Variants in PTPRT observed in about 807,000 individuals in gnomAD.
PTPRT encodes protein tyrosine phosphatase receptor type T.
Under a neutral mutation model 176.8 loss-of-function variants are expected in PTPRT, and 56 were observed. The observed-to-expected ratio is 0.32, with a 90% CI of 0.26 to 0.40. PTPRT has a LOEUF of 0.40. PTPRT is among the 10% of genes least tolerant of loss of function. The pLI, the probability that PTPRT is intolerant of heterozygous loss-of-function variation, is 1.00. For synonymous variants in PTPRT, 783 were observed against 739.0 expected (o/e 1.06, Z -0.96); for missense variants, 1,540 against 1,908.2 (o/e 0.81, Z 3.60).
chr20:43,123,616 A>T (rs189047971), intron 1 of PTPRT, among the ~76,000 whole-genome samples: 6 of 152,356 alleles, frequency 3.9e-5, no homozygotes, highest in South Asian at 4.1e-4. Context: ...GACCCTTTCA[A>T]CTGTAAAGTG....
At chr20:42,945,025 T>A (rs1193961824) in intron 1 of PTPRT, among the ~76,000 whole-genome samples, 1 of 150,628 alleles carries the variant, frequency 6.6e-6, no homozygotes, top group Non-Finnish European at 1.5e-5. Flanking sequence ...CCAGACATTA[T>A]AAAATGTTGT....
At chr20:42,568,552 A>G (rs887583029) in intron 7 of PTPRT, among the ~76,000 whole-genome samples, 1 of 152,204 alleles carries the variant, frequency 6.6e-6, no homozygotes. Flanking sequence ...GAACTGTCAT[A>G]AAAATAAATT....
intron 4 of PTPRT, among the ~76,000 whole-genome samples, chr20:42,777,481 C>T (rs1303780444): frequency 6.6e-6 from 1 of 152,150 alleles, no homozygotes; most frequent in Non-Finnish European, 1.5e-5. Flanking sequence ...ATCCAAGCAG[C>T]CCTCCCGTAT....
At chr20:42,158,074 C>A (rs1989438336) in intron 17 of PTPRT, among the ~76,000 whole-genome samples, 1 of 152,202 alleles carries the variant, frequency 6.6e-6, no homozygotes, top group Non-Finnish European at 1.5e-5. Flanking sequence ...AACAGGTTGT[C>A]CCTGTTGTAC....
chr20:42,685,975 C>T (rs1364454858), intron 6 of PTPRT: 2 of 152,144 alleles, frequency 1.3e-5, no homozygotes, highest in African/African-American at 2.4e-5. Context: ...CGATTACATC[C>T]ATTTTCCCAG....
intron 1 of PTPRT, among the ~76,000 whole-genome samples, chr20:43,091,363 G>C (rs1050553116): frequency 6.6e-6 from 1 of 151,952 alleles, no homozygotes. Flanking sequence ...GTTAGAAGAC[G>C]ACTGGATGTA....
intron 2 of PTPRT, among the ~76,000 whole-genome samples, chr20:42,827,889 G>A (rs753726734): frequency 1.3e-5 from 2 of 152,158 alleles, no homozygotes; most frequent in Non-Finnish European, 2.9e-5. Flanking sequence ...TGAACGGTGA[G>A]TCAACTAAAC....
intron 15 of PTPRT, among the ~76,000 whole-genome samples, chr20:42,220,663 C>A (rs2055864595): frequency 6.7e-6 from 1 of 149,548 alleles, no homozygotes; most frequent in African/African-American, 2.5e-5. Context: ...ATCATAATCA[C>A]TTAGGTACAT....
At chr20:42,798,498 T>A (rs938832157) in intron 2 of PTPRT, among the ~76,000 whole-genome samples, 1 of 152,124 alleles carries the variant, frequency 6.6e-6, no homozygotes, top group African/African-American at 2.4e-5. Flanking sequence ...AATAAACATA[T>A]CATTCAACAT....
chr20:42,265,076 C>T (rs2056816387), intron 13 of PTPRT, among the ~76,000 whole-genome samples: 1 of 152,180 alleles, frequency 6.6e-6, no homozygotes, highest in East Asian at 1.9e-4. Context: ...TCTCATGATT[C>T]TTCTCAATAA....
intron 6 of PTPRT, among the ~76,000 whole-genome samples, chr20:42,689,211 C>A (rs2075751480): frequency 6.6e-6 from 1 of 152,222 alleles, no homozygotes; most frequent in African/African-American, 2.4e-5. Context: ...CCTTAGTGGG[C>A]ACACATACAA....
intron 1 of PTPRT, among the ~76,000 whole-genome samples, chr20:42,903,588 G>A (rs1269148922): frequency 6.6e-6 from 1 of 152,214 alleles, no homozygotes; most frequent in Non-Finnish European, 1.5e-5. Context: ...ACAGTTGGTT[G>A]TCAGAAGTCC....
chr20:42,699,109 C>T (rs922263122), intron 6 of PTPRT, among the ~76,000 whole-genome samples: 1 of 152,198 alleles, frequency 6.6e-6, no homozygotes, highest in African/African-American at 2.4e-5. Flanking sequence ...AAAGCACAGT[C>T]TCAAGGGACC....
chr20:43,000,842 A>C (rs1324770268), intron 1 of PTPRT, among the ~76,000 whole-genome samples: 1 of 151,814 alleles, frequency 6.6e-6, no homozygotes, highest in Admixed American at 6.6e-5. Context: ...TCTAATTGTG[A>C]CTATTAGCAG....
chr20:42,902,301 G>A (rs1024423254), intron 1 of PTPRT, among the ~76,000 whole-genome samples: 10 of 152,174 alleles, frequency 6.6e-5, no homozygotes, highest in African/African-American at 2.4e-4. Flanking sequence ...CTGGAACAGT[G>A]AGTACACTGT....
At chr20:42,589,220 C>A (rs1265089751) in intron 7 of PTPRT, among the ~76,000 whole-genome samples, 2 of 152,164 alleles carry the variant, frequency 1.3e-5, no homozygotes, top group Non-Finnish European at 2.9e-5. Flanking sequence ...TCAACAGGGT[C>A]TTTATGGAGG....
At chr20:42,083,449 T>A (rs1983559460) in intron 29 of PTPRT, among the ~76,000 whole-genome samples, 1 of 152,216 alleles carries the variant, frequency 6.6e-6, no homozygotes, top group African/African-American at 2.4e-5. Context: ...CTTGGGACAC[T>A]ACGCAGCATC....
chr20:43,047,743 T>C (rs1185824381), intron 1 of PTPRT, among the ~76,000 whole-genome samples: 1 of 152,152 alleles, frequency 6.6e-6, no homozygotes, highest in Non-Finnish European at 1.5e-5. Flanking sequence ...CAGCTAACAT[T>C]TTATTCAGCT....
At chr20:42,157,123 C>T (rs147751785) in intron 17 of PTPRT, among the ~76,000 whole-genome samples, 1 of 152,086 alleles carries the variant, frequency 6.6e-6, no homozygotes. Context: ...CTTGTACATG[C>T]CAGATATATT....
Sources: gnomAD v4.1 joint callset for allele counts (sites outside exome capture counted in the v4.1 genomes callset) on GRCh38, gnomAD v4.1.1 for gene constraint, MANE v1.5 for transcripts, NCBI Gene and HGNC (gene_info 2026-07-23, HGNC 2026-07-21) for gene names.